CCSER2: variants seen among roughly 807,000 people sequenced by gnomAD.
CCSER2 encodes the protein coiled-coil serine rich protein 2.
In CCSER2, 46 loss-of-function variants were observed where a neutral mutation model predicts 92.3. That is an observed-to-expected ratio of 0.50 (90% CI 0.39 to 0.64). CCSER2 has a LOEUF of 0.64. CCSER2 is among the 30% of genes least tolerant of loss of function. CCSER2 has a pLI of 0.00. For missense variants in CCSER2, 1,244 were observed against 1,238.9 expected (o/e 1.00, Z -0.06); for synonymous variants, 433 against 431.4 (o/e 1.00, Z -0.04).
intron 7 of CCSER2, among the ~76,000 whole-genome samples, 156 bp downstream of exon 7, chr10:84,464,172 T>C (rs1176372346): frequency 4.6e-5 from 7 of 152,222 alleles, no homozygotes; most frequent in Non-Finnish European, 8.8e-5. Flanking sequence ...ATGATATCTC[T>C]GTGGTGCTTT....
At chr10:84,348,462 C>T (rs916667808) in intron 1 of CCSER2, among the ~76,000 whole-genome samples, 9 of 143,654 alleles carry the variant, frequency 6.3e-5, no homozygotes, top group African/African-American at 2.3e-4. Flanking sequence ...GAGAGGGAGA[C>T]CATGGAAAGA....
intron 1 of CCSER2, among the ~76,000 whole-genome samples, chr10:84,339,967 G>T (rs551174159): frequency 1.3e-4 from 20 of 151,862 alleles, no homozygotes; most frequent in African/African-American, 4.4e-4. Context: ...TCAGCTTCCC[G>T]AGTAGCTGGG....
At chr10:84,395,197 C>G (rs1464001570) in intron 3 of CCSER2, among the ~76,000 whole-genome samples, 1 of 149,018 alleles carries the variant, frequency 6.7e-6, no homozygotes, top group Non-Finnish European at 1.5e-5. Context: ...GCACTCCAGC[C>G]TGGGTGACAG....
chr10:84,362,122 G>A (rs1456327494), intron 1 of CCSER2, among the ~76,000 whole-genome samples: 2 of 152,136 alleles, frequency 1.3e-5, no homozygotes, highest in East Asian at 3.8e-4. Flanking sequence ...TTCCATCCAT[G>A]TTAATGTTAC....
intron 1 of CCSER2, among the ~76,000 whole-genome samples, chr10:84,343,466 T>C (rs576041508): frequency 1.1e-4 from 16 of 152,318 alleles, no homozygotes; most frequent in Non-Finnish European, 2.1e-4. Flanking sequence ...CTGGGTATTA[T>C]ACAAAACAAG....
chr10:84,345,538 C>T (rs561720399), intron 1 of CCSER2, among the ~76,000 whole-genome samples: 3 of 152,170 alleles, frequency 2.0e-5, no homozygotes, highest in African/African-American at 4.8e-5. Flanking sequence ...TGGCAAGTTT[C>T]GTTGTGGCAT....
At chr10:84,381,963 G>T (rs1248939525) in intron 3 of CCSER2, among the ~76,000 whole-genome samples, 1 of 149,444 alleles carries the variant, frequency 6.7e-6, no homozygotes, top group Non-Finnish European at 1.5e-5. Flanking sequence ...ACAAGACTTT[G>T]CACTCTTTGC....
At position 84,371,778 on chromosome 10, in the gene CCSER2, T is replaced by C; in HGVS notation, c.726T>C (p.His242=). The C allele has an allele frequency of 6.2e-7, 1 of 1,613,720 alleles. No individual in the cohort carries two copies. Among genetic ancestry groups the C allele is most frequent in the Non-Finnish European group, 8.5e-7 (1 of 1,179,726 alleles). ...FLPPSSITRS[H]SFNRAVDLTK... is the part of the protein sequence containing the mutation. ...CACCTTCATCTATAACCAGATCACA[T>C]TCCTTTAATAGAGCTGTGGATCTTA... The change falls in exon 2 of 10, where the codon CAT becomes CAC. Residue 242 remains histidine (H), a synonymous_variant. Coordinates refer to ENST00000372088, the MANE Select transcript of CCSER2 (RefSeq NM_001284240.2).
intron 9 of CCSER2, among the ~76,000 whole-genome samples, chr10:84,503,224 CT>C (rs1848863518): frequency 6.7e-6 from 1 of 148,610 alleles, no homozygotes; most frequent in Admixed American, 6.8e-5. Context: ...GAGACTCTGT[CT>C]CAAAAAAAAA....
chr10:84,446,211 T>G (rs754733423), intron 6 of CCSER2, among the ~76,000 whole-genome samples: 1 of 152,196 alleles, frequency 6.6e-6, no homozygotes, highest in East Asian at 1.9e-4. Flanking sequence ...TTATTTGCAT[T>G]GCAAAATATT....
At chr10:84,424,751 G>T (rs1457989887) in intron 4 of CCSER2, among the ~76,000 whole-genome samples, 1 of 152,012 alleles carries the variant, frequency 6.6e-6, no homozygotes, top group Non-Finnish European at 1.5e-5. Context: ...ACTTTCTCAT[G>T]TAGTAGTTCT....
intron 9 of CCSER2, among the ~76,000 whole-genome samples, chr10:84,492,787 A>G (rs1848243514): frequency 6.6e-6 from 1 of 152,212 alleles, no homozygotes; most frequent in Admixed American, 6.5e-5. Flanking sequence ...AACTAATCTC[A>G]TAGGCCTGAA....
intron 3 of CCSER2, 121 bp from the exon 4 acceptor site, chr10:84,417,650 T>C (rs1351341574): frequency 2.0e-6 from 1 of 489,594 alleles, no homozygotes; most frequent in African/African-American, 2.0e-5. Flanking sequence ...AAACCTATTT[T>C]ATTCTTTCAG....
At chr10:84,336,405 G>A (rs942283588) in intron 1 of CCSER2, among the ~76,000 whole-genome samples, 1 of 152,244 alleles carries the variant, frequency 6.6e-6, no homozygotes, top group African/African-American at 2.4e-5. Context: ...AAAGCAGGAA[G>A]AGGTGAAAAG....
At chr10:84,485,054 C>A (rs1847724296) in intron 9 of CCSER2, among the ~76,000 whole-genome samples, 1 of 152,098 alleles carries the variant, frequency 6.6e-6, no homozygotes, top group Non-Finnish European at 1.5e-5. Context: ...TTTAAAGTAT[C>A]CATTGGAAGA....
intron 9 of CCSER2, among the ~76,000 whole-genome samples, chr10:84,503,149 AC>A (rs1179417196): frequency 2.0e-5 from 3 of 151,932 alleles, no homozygotes; most frequent in African/African-American, 7.3e-5. Flanking sequence ...AATGGCGTGA[AC>A]CCATGAGGCG....
intron 9 of CCSER2, among the ~76,000 whole-genome samples, chr10:84,496,697 G>A (rs1163468135): frequency 2.2e-4 from 34 of 152,084 alleles, no homozygotes; most frequent in Admixed American, 2.2e-3. Context: ...CCTCTTTCCT[G>A]ATCCTTTGGC....
chr10:84,421,412 G>T (rs1843143489), intron 4 of CCSER2, among the ~76,000 whole-genome samples: 1 of 152,146 alleles, frequency 6.6e-6, no homozygotes, highest in East Asian at 1.9e-4. Flanking sequence ...TTGCAGTCAT[G>T]CTGGAAGGGG....
At chr10:84,470,206 A>G (rs548634356) in intron 7 of CCSER2, among the ~76,000 whole-genome samples, 166 bp from the exon 8 acceptor site, 32 of 151,830 alleles carry the variant, frequency 2.1e-4, no homozygotes, top group African/African-American at 7.2e-4. Context: ...CTCATTGTCA[A>G]CATGTCACAC....
Sources: allele counts gnomAD v4.1 joint callset (sites outside exome capture counted in the v4.1 genomes callset), GRCh38; gene constraint gnomAD v4.1.1; transcripts MANE v1.5; gene names NCBI Gene and HGNC (gene_info 2026-07-23, HGNC 2026-07-21).